The following SLC9A9 variants were observed in gnomAD, a reference collection of about 807,000 sequenced individuals.
The protein encoded by SLC9A9 is sodium/hydrogen exchanger 9.
Under a neutral mutation model 77.8 loss-of-function variants are expected in SLC9A9, and 62 were observed. That is an observed-to-expected ratio of 0.80 (90% CI 0.65 to 0.98). SLC9A9 has a LOEUF of 0.98. Ranked by LOEUF, SLC9A9 falls within the 50% of genes least tolerant of loss-of-function variation. SLC9A9 has a pLI of 0.00. For synonymous variants in SLC9A9, 320 were observed against 283.5 expected (o/e 1.13, Z -1.29); for missense variants, 775 against 774.9 (o/e 1.00, Z 0.00).
intron 12 of SLC9A9, among the ~76,000 whole-genome samples, chr3:143,432,874 C>T (rs749369190): frequency 1.5e-4 from 23 of 152,232 alleles, no homozygotes; most frequent in Non-Finnish European, 3.2e-4. Context: ...GATCCCCCCA[C>T]CTTGGCCTTC....
chr3:143,701,496 T>C (rs1371768343), intron 4 of SLC9A9, among the ~76,000 whole-genome samples: 3 of 151,976 alleles, frequency 2.0e-5, no homozygotes, highest in Non-Finnish European at 4.4e-5. Context: ...AATTCTGGAG[T>C]TGAAAAATGC....
At chr3:143,508,201 C>A (rs1471014521) in intron 9 of SLC9A9, among the ~76,000 whole-genome samples, 1 of 152,156 alleles carries the variant, frequency 6.6e-6, no homozygotes, top group Non-Finnish European at 1.5e-5. Flanking sequence ...ACTATGAGAA[C>A]CATGTGCTCT....
At chr3:143,817,929 A>G (rs2009064641) in intron 2 of SLC9A9, among the ~76,000 whole-genome samples, 1 of 152,234 alleles carries the variant, frequency 6.6e-6, no homozygotes, top group African/African-American at 2.4e-5. Flanking sequence ...ATTTCTATCC[A>G]TTACAGTTAA....
chr3:143,495,301 C>G (rs1191483850), intron 10 of SLC9A9, 34 bp downstream of exon 10: 1 of 1,509,386 alleles, frequency 6.6e-7, no homozygotes. Flanking sequence ...GTTATCTTCT[C>G]TAATCACCCC....
chr3:143,820,775 A>G (rs2009145433), intron 2 of SLC9A9, among the ~76,000 whole-genome samples: 2 of 152,030 alleles, frequency 1.3e-5, no homozygotes, highest in African/African-American at 4.8e-5. Flanking sequence ...CACATCAACA[A>G]TGATTTCTTT....
chr3:143,523,018 T>A (rs1274099861), intron 9 of SLC9A9, among the ~76,000 whole-genome samples: 1 of 152,124 alleles, frequency 6.6e-6, no homozygotes, highest in Non-Finnish European at 1.5e-5. Context: ...AGGTCATTGC[T>A]TATTTTCATA....
intron 2 of SLC9A9, among the ~76,000 whole-genome samples, chr3:143,830,113 C>T (rs1383407712): frequency 6.6e-6 from 1 of 152,160 alleles, no homozygotes. Context: ...CCCAGGATTG[C>T]CACATAAGCA....
intron 4 of SLC9A9, among the ~76,000 whole-genome samples, chr3:143,749,641 G>T (rs917782394): frequency 2.6e-4 from 40 of 152,176 alleles, no homozygotes; most frequent in African/African-American, 9.2e-4. Context: ...GCGGAGAATG[G>T]TTACTTGGGA....
intron 4 of SLC9A9, among the ~76,000 whole-genome samples, chr3:143,701,135 T>C (rs765004981): frequency 7.2e-5 from 11 of 152,166 alleles, no homozygotes; most frequent in Non-Finnish European, 1.2e-4. Context: ...GCTTAGATAA[T>C]AACACCCAAG....
At chr3:143,580,387 A>G (rs1437505448) in intron 6 of SLC9A9, among the ~76,000 whole-genome samples, 1 of 152,180 alleles carries the variant, frequency 6.6e-6, no homozygotes, top group African/African-American at 2.4e-5. Flanking sequence ...TGACCCATAG[A>G]ACAAGCACGG....
At chr3:143,704,478 C>A (rs77031735) in intron 4 of SLC9A9, among the ~76,000 whole-genome samples, 22 of 152,270 alleles carry the variant, frequency 1.4e-4, no homozygotes, top group African/African-American at 4.8e-4. Context: ...ACCATATGAT[C>A]ATTTCAATTG....
intron 6 of SLC9A9, among the ~76,000 whole-genome samples, chr3:143,612,828 C>T (rs532137745): frequency 6.6e-6 from 1 of 152,240 alleles, no homozygotes; most frequent in South Asian, 2.1e-4. Flanking sequence ...GAATATTACA[C>T]ATAAACAAAA....
intron 6 of SLC9A9, among the ~76,000 whole-genome samples, chr3:143,647,507 T>C (rs2038725451): frequency 6.6e-6 from 1 of 152,220 alleles, no homozygotes; most frequent in Non-Finnish European, 1.5e-5. Flanking sequence ...ACATTCAGAC[T>C]GCATAGAAGA....
chr3:143,552,634 G>A (rs1265872135), intron 8 of SLC9A9, among the ~76,000 whole-genome samples, 184 bp from the exon 9 acceptor site: 1 of 152,156 alleles, frequency 6.6e-6, no homozygotes, highest in Non-Finnish European at 1.5e-5. Flanking sequence ...ACAGGGTCCT[G>A]AAGGATTAAA....
At chr3:143,321,289 G>A (rs893086086) in intron 14 of SLC9A9, among the ~76,000 whole-genome samples, 1 of 152,194 alleles carries the variant, frequency 6.6e-6, no homozygotes. Flanking sequence ...GACCTCCACT[G>A]CGGAGCAAGG....
rs184428994 is a variant in SLC9A9, at chr3:143,552,398, G to A, written c.1053C>T (p.Asn351=). The A allele has an allele frequency of 1.9e-6, 3 of 1,613,034 alleles. No individual in the cohort carries two copies. Among genetic ancestry groups the A allele is most frequent in the Non-Finnish European group, 2.5e-6 (3 of 1,179,476 alleles). Residue 351 remains asparagine, a synonymous_variant, in exon 9 of 16, where the codon AAC becomes AAT. Transcript: ENST00000316549. ...TTATTTTGGAATCCGAAGACAGATT[G>A]TTGTAGGTATAATGTGCTTGTGTGA... ...CGVTQAHYTY[N]NLSSDSKIRT...
chr3:143,512,201 T>C (rs2036127690), intron 9 of SLC9A9, among the ~76,000 whole-genome samples: 1 of 152,242 alleles, frequency 6.6e-6, no homozygotes, highest in African/African-American at 2.4e-5. Context: ...TTGGTGGCAC[T>C]GAAAGTTTGT....
intron 6 of SLC9A9, among the ~76,000 whole-genome samples, chr3:143,618,474 G>T (rs1192733125): frequency 2.0e-5 from 3 of 152,192 alleles, no homozygotes; most frequent in African/African-American, 7.2e-5. Flanking sequence ...AGATTGGAAA[G>T]TCTGGTAACT....
intron 1 of SLC9A9, among the ~76,000 whole-genome samples, chr3:143,838,673 G>T (rs1420292818): frequency 6.6e-6 from 1 of 152,182 alleles, no homozygotes; most frequent in Non-Finnish European, 1.5e-5. Context: ...GTTCAAGGAA[G>T]AATGTTCTTT....
Sources: allele counts gnomAD v4.1 joint callset (sites outside exome capture counted in the v4.1 genomes callset), GRCh38; gene constraint gnomAD v4.1.1; transcripts MANE v1.5; gene names NCBI Gene and HGNC (gene_info 2026-07-23, HGNC 2026-07-21).